DHRS7B: variants seen among roughly 807,000 people sequenced by gnomAD.
The protein encoded by DHRS7B is peroxisomal reductase activating PPAR-gamma.
DHRS7B carries 24 observed loss-of-function variants against 26.4 expected under a neutral mutation model. The observed-to-expected ratio is 0.91, with a 90% confidence interval of 0.66 to 1.28. The LOEUF (loss-of-function observed/expected upper bound fraction) is 1.28, where lower values mean the gene tolerates loss of function less well. DHRS7B is among the 50% of genes most tolerant of loss of function. The pLI, the probability that DHRS7B is intolerant of heterozygous loss-of-function variation, is 0.00. For synonymous variants in DHRS7B, 142 were observed against 166.4 expected (o/e 0.85, Z 1.13); for missense variants, 368 against 419.4 (o/e 0.88, Z 1.07).
chr17:21,140,538 A>ACACACACACACACACACCCC (rs972677956), intron 1 of DHRS7B, among the ~76,000 whole-genome samples: 2 of 134,754 alleles, frequency 1.5e-5, no homozygotes, highest in African/African-American at 2.8e-5. Flanking sequence ...ACACACACAC[A>ACACACACACACACACACCCC]CCCTGACACC....
intron 1 of DHRS7B, among the ~76,000 whole-genome samples, chr17:21,160,328 G>A (rs1973974019): frequency 6.6e-6 from 1 of 152,092 alleles, no homozygotes; most frequent in South Asian, 2.1e-4. Flanking sequence ...GTGCACTCTA[G>A]CCTGGGTGAC....
At chr17:21,176,024 G>T (rs1974369674) in intron 2 of DHRS7B, among the ~76,000 whole-genome samples, 1 of 151,784 alleles carries the variant, frequency 6.6e-6, no homozygotes, top group Non-Finnish European at 1.5e-5. Flanking sequence ...TTTGAGACAG[G>T]TCTTGCTCTG....
chr17:21,180,176 G>A (rs1484861611), intron 3 of DHRS7B, among the ~76,000 whole-genome samples: 1 of 150,548 alleles, frequency 6.6e-6, no homozygotes, highest in Non-Finnish European at 1.5e-5. Flanking sequence ...CCAGGTTCAA[G>A]TGATTCTCCT....
At chr17:21,184,911 A>G (rs1267016820) in intron 5 of DHRS7B, among the ~76,000 whole-genome samples, 1 of 152,240 alleles carries the variant, frequency 6.6e-6, no homozygotes, top group Non-Finnish European at 1.5e-5. Flanking sequence ...ATGGAATGGC[A>G]TTATTCATAT....
rs760735497 is a variant in DHRS7B, at chr17:21,191,076, C to T, written c.901C>T (p.Arg301Ter). Residue 301 changes from arginine (R) to a stop codon, truncating the protein, a stop_gained, in exon 7 of 7, where the codon CGA becomes TGA. Coordinates refer to ENST00000395511, the MANE Select transcript of DHRS7B (RefSeq NM_015510.5). LOFTEE classifies it high-confidence loss of function. ...ACTGCCTTCCTTGGCTGTTTATCTT[C>T]GAACTCTGGCTCCTGGGCTCTTCTT... ...DLLPSLAVYL[R>*]TLAPGLFFSL... The T allele has an allele frequency of 6.2e-6, 10 of 1,614,096 alleles. No individual in the cohort carries two copies. Among genetic ancestry groups the T allele is most frequent in the African/African-American group, 2.7e-5 (2 of 74,954 alleles).
At chr17:21,128,273 C>G (rs1479341566) in intron 1 of DHRS7B, 1 of 152,162 alleles carries the variant, frequency 6.6e-6, no homozygotes, top group African/African-American at 2.4e-5. Flanking sequence ...AAGTGAGACC[C>G]TGTCTTGGCT....
At chr17:21,131,732 G>A (rs1172658405) in intron 1 of DHRS7B, among the ~76,000 whole-genome samples, 1 of 152,178 alleles carries the variant, frequency 6.6e-6, no homozygotes, top group African/African-American at 2.4e-5. Context: ...CTTACCAGTG[G>A]TTTGAGCTTC....
chr17:21,148,760 C>T lies in DHRS7B; in HGVS notation c.20+21769C>T, dbSNP rs77847428. Among the ~76,000 whole-genome samples the T allele has an allele frequency of 4.0e-3, 609 of 151,790 alleles. 5 individuals are homozygous for T. Among genetic ancestry groups the T allele is most frequent in the African/African-American group, 0.014 (592 of 41,390 alleles). On this transcript the variant is annotated intron_variant, in intron 1 of 6. Coordinates refer to ENST00000395511, the MANE Select transcript of DHRS7B (RefSeq NM_015510.5). The stretch of plus-strand genomic sequence containing the variant: ...GATTGTAAAAAACAAACAAACAAAA[C>T]CAGAAAATACACAGAGGTAAAAAAA...
chr17:21,156,145 A>C (rs1187036265), intron 1 of DHRS7B, among the ~76,000 whole-genome samples: 1 of 152,220 alleles, frequency 6.6e-6, no homozygotes, highest in Non-Finnish European at 1.5e-5. Context: ...ATAGGAAATC[A>C]GTACAGAAAA....
At chr17:21,161,745 C>G (rs186376504) in intron 1 of DHRS7B, among the ~76,000 whole-genome samples, 34 of 152,224 alleles carry the variant, frequency 2.2e-4, no homozygotes, top group Admixed American at 1.6e-3. Context: ...GAAATATTTG[C>G]TAGGACGCTT....
At chr17:21,144,987 C>G (rs1973609739) in intron 1 of DHRS7B, among the ~76,000 whole-genome samples, 1 of 151,944 alleles carries the variant, frequency 6.6e-6, no homozygotes, top group Non-Finnish European at 1.5e-5. Context: ...GGAATCTATA[C>G]AGAGAATTGG....
At chr17:21,132,541 A>C (rs565431773) in intron 1 of DHRS7B, among the ~76,000 whole-genome samples, 2,760 of 146,760 alleles carry the variant, frequency 0.019, 42 homozygotes, top group Non-Finnish European at 0.028. Flanking sequence ...AAAAAAAAAA[A>C]AAAAAAAACA....
At chr17:21,152,808 A>G (rs550196073) in intron 1 of DHRS7B, among the ~76,000 whole-genome samples, 2 of 152,250 alleles carry the variant, frequency 1.3e-5, no homozygotes, top group East Asian at 3.9e-4. Flanking sequence ...AGCCCTCTCT[A>G]GCCATCCTGT....
rs748074034 is a variant in DHRS7B, at chr17:21,191,039, C to G, written c.864C>G (p.Ile288Met). 3.1e-6 allele frequency: 5 copies of G among 1,614,260 alleles called. No homozygotes were observed. The highest frequency in any genetic ancestry group is 4.2e-6 in the Non-Finnish European group (5 of 1,180,052). ...TGGGGAAGAAGAAGAAAGATGTGAT[C>G]CTGGCTGACTTACTGCCTTCCTTGG... Reference protein sequence around the residue: ...AAVGKKKKDVILADLLPSLAV... With the variant: ...AAVGKKKKDVMLADLLPSLAV... The change falls in exon 7 of 7, where the codon ATC becomes ATG. Residue 288 changes from isoleucine to methionine, a missense_variant. By Grantham distance (10) the Ile-to-Met change is conservative (BLOSUM62 1). Transcript: ENST00000395511.
chr17:21,134,957 A>C (rs117985935), intron 1 of DHRS7B, among the ~76,000 whole-genome samples: 2,533 of 152,252 alleles, frequency 0.017, 36 homozygotes, highest in Middle Eastern at 0.024. Flanking sequence ...TTTTTCCTCT[A>C]TTCTGATATC....
At chr17:21,136,380 A>G (rs1973341899) in intron 1 of DHRS7B, among the ~76,000 whole-genome samples, 1 of 151,016 alleles carries the variant, frequency 6.6e-6, no homozygotes, top group Admixed American at 6.6e-5. Flanking sequence ...ACTCAATGTC[A>G]CAAGGACTTT....
intron 1 of DHRS7B, chr17:21,127,294 T>C: frequency 2.5e-6 from 1 of 407,440 alleles, no homozygotes. Context: ...GTGAAAGGCC[T>C]CGCGCCCACA....
At chr17:21,187,112 T>TATATATATATATATATATAA (rs1283365408) in intron 5 of DHRS7B, among the ~76,000 whole-genome samples, 2 of 146,698 alleles carry the variant, frequency 1.4e-5, no homozygotes, top group African/African-American at 5.1e-5. Context: ...TATATATATA[T>TATATATATATATATATATAA]AAAATATATA....
At chr17:21,154,509 T>C (rs1973838914) in intron 1 of DHRS7B, among the ~76,000 whole-genome samples, 1 of 152,212 alleles carries the variant, frequency 6.6e-6, no homozygotes, top group Admixed American at 6.5e-5. Context: ...TGGAGGAATT[T>C]GTTGCTGGTA....
Sources: allele counts gnomAD v4.1 joint callset (sites outside exome capture counted in the v4.1 genomes callset), GRCh38; gene constraint gnomAD v4.1.1; transcripts MANE v1.5; gene names NCBI Gene and HGNC (gene_info 2026-07-23, HGNC 2026-07-21).